STXBP5L: variants seen among roughly 807,000 people sequenced by gnomAD.
The protein encoded by STXBP5L is syntaxin binding protein 5L.
STXBP5L carries 65 observed loss-of-function variants against 144.5 expected under a neutral mutation model. The ratio of observed to expected loss-of-function variants is 0.45; its 90% CI spans 0.37 to 0.55. The LOEUF (loss-of-function observed/expected upper bound fraction) is 0.55. Among genes scored for constraint, STXBP5L ranks in the 20% least tolerant of loss-of-function variants. The probability of loss-of-function intolerance (pLI) is 0.00; values close to 1 mark genes in which losing one functional copy is unlikely to be tolerated. For missense variants in STXBP5L, 1,298 were observed against 1,405.5 expected (o/e 0.92, Z 1.22); for synonymous variants, 505 against 469.6 (o/e 1.08, Z -0.97).
At chr3:121,207,095 A>G (rs1398102660) in intron 10 of STXBP5L, among the ~76,000 whole-genome samples, 2 of 152,156 alleles carry the variant, frequency 1.3e-5, no homozygotes, top group East Asian at 1.9e-4. Flanking sequence ...TATTTTATCT[A>G]TATATAGATA....
intron 3 of STXBP5L, among the ~76,000 whole-genome samples, chr3:121,006,063 T>G (rs894083210): frequency 6.6e-6 from 1 of 152,184 alleles, no homozygotes; most frequent in Non-Finnish European, 1.5e-5. Context: ...TGATGTCTGT[T>G]AGGTCTGCTT....
intron 3 of STXBP5L, among the ~76,000 whole-genome samples, chr3:121,032,436 G>A (rs750549672): frequency 3.3e-5 from 5 of 152,066 alleles, no homozygotes; most frequent in Non-Finnish European, 7.4e-5. Context: ...TTAGCCACTA[G>A]GTAATAAATT....
intron 19 of STXBP5L, among the ~76,000 whole-genome samples, chr3:121,286,704 C>T (rs995400688): frequency 1.3e-5 from 2 of 152,002 alleles, no homozygotes; most frequent in Non-Finnish European, 2.9e-5. Context: ...TCACTACCAA[C>T]CAAGATAGAA....
intron 19 of STXBP5L, among the ~76,000 whole-genome samples, chr3:121,303,062 A>T (rs1281846354): frequency 1.3e-5 from 2 of 152,234 alleles, no homozygotes; most frequent in African/African-American, 2.4e-5. Flanking sequence ...GCTTCTGCAC[A>T]GCAAAAGAAA....
Position 121,169,430 on chromosome 3 carries a change from G to A in STXBP5L, c.877+11803G>A, listed in dbSNP as rs189486162. Among the ~76,000 whole-genome samples the A allele has an allele frequency of 4.9e-3, 740 of 152,290 alleles. 3 individuals are homozygous for A. Among genetic ancestry groups the A allele is most frequent in the Non-Finnish European group, 7.6e-3 (516 of 68,034 alleles). ...AAGAATAAAGACCTATCAGTGTGCT[G>A]TATTCAGGAAACCCATCTCAGGTGC... On this transcript the variant is annotated intron_variant, in intron 9 of 26. Transcript: ENST00000471454.
At chr3:121,219,351 A>G (rs968561332) in intron 10 of STXBP5L, among the ~76,000 whole-genome samples, 2 of 152,130 alleles carry the variant, frequency 1.3e-5, no homozygotes, top group Admixed American at 6.6e-5. Context: ...TGTCACAGAA[A>G]CAGGAACCTT....
chr3:121,360,461 G>A (rs978838254), intron 20 of STXBP5L, among the ~76,000 whole-genome samples: 1 of 151,798 alleles, frequency 6.6e-6, no homozygotes, highest in African/African-American at 2.4e-5. Flanking sequence ...TGGTTGTTTT[G>A]TGTCTTCTCT....
At chr3:121,206,548 G>C (rs550969957) in intron 10 of STXBP5L, among the ~76,000 whole-genome samples, 1 of 152,042 alleles carries the variant, frequency 6.6e-6, no homozygotes, top group African/African-American at 2.4e-5. Context: ...CCTGCCTCAC[G>C]CCTGTAACCC....
intron 6 of STXBP5L, among the ~76,000 whole-genome samples, chr3:121,120,824 T>G (rs1217809752): frequency 6.6e-6 from 1 of 151,288 alleles, no homozygotes; most frequent in East Asian, 1.9e-4. Flanking sequence ...ATAAGAATAA[T>G]TTGACACTGT....
At chr3:121,202,316 AC>A (rs1461040725) in intron 9 of STXBP5L, among the ~76,000 whole-genome samples, 1 of 152,110 alleles carries the variant, frequency 6.6e-6, no homozygotes, top group East Asian at 1.9e-4. Flanking sequence ...TTGTTCCAAT[AC>A]AGCTTTGCTC....
At chr3:121,117,321 A>G (rs2044275235) in intron 6 of STXBP5L, among the ~76,000 whole-genome samples, 2 of 151,866 alleles carry the variant, frequency 1.3e-5, no homozygotes, top group Admixed American at 1.3e-4. Flanking sequence ...TTCTTGAAAT[A>G]TCTCTGAGAA....
At position 121,028,273 on chromosome 3, in the gene STXBP5L, G is replaced by T. The variant is rs969605637; in HGVS notation, c.288-13427G>T. 3.9e-5 allele frequency among the ~76,000 whole-genome samples: 6 copies of T among 152,098 alleles called. No individual in the cohort carries two copies. The East Asian group carries it at 1.2e-3, about 29-fold the overall frequency. ...TAGATTATTATGCTATTAATAAATA[G>T]AAATAATAACTTTTTCAGGCTATAG... On this transcript the variant is annotated intron_variant, in intron 3 of 26. Coordinates refer to ENST00000471454, the MANE Select transcript of STXBP5L (RefSeq NM_001308330.2).
At chr3:121,134,406 T>C (rs1332372557) in intron 7 of STXBP5L, among the ~76,000 whole-genome samples, 1 of 152,158 alleles carries the variant, frequency 6.6e-6, no homozygotes, top group African/African-American at 2.4e-5. Context: ...AGATTAAATT[T>C]CTTTTTTTTT....
At chr3:121,028,538 T>C (rs572954982) in intron 3 of STXBP5L, among the ~76,000 whole-genome samples, 1 of 152,222 alleles carries the variant, frequency 6.6e-6, no homozygotes, top group East Asian at 1.9e-4. Flanking sequence ...TCCCTTACAT[T>C]TTCTATAGTA....
At chr3:121,285,558 A>G (rs1236720181) in intron 19 of STXBP5L, among the ~76,000 whole-genome samples, 1 of 152,108 alleles carries the variant, frequency 6.6e-6, no homozygotes, top group Non-Finnish European at 1.5e-5. Flanking sequence ...AAATTTTTAA[A>G]TTACCAAGCG....
intron 18 of STXBP5L, among the ~76,000 whole-genome samples, chr3:121,272,030 G>T (rs1381901699): frequency 3.3e-5 from 5 of 152,198 alleles, no homozygotes; most frequent in African/African-American, 1.2e-4. Flanking sequence ...AATCAGCTAA[G>T]ATTTGGTCTA....
At chr3:121,034,728 G>A (rs1024608126) in intron 3 of STXBP5L, among the ~76,000 whole-genome samples, 9 of 151,944 alleles carry the variant, frequency 5.9e-5, no homozygotes, top group Non-Finnish European at 7.4e-5. Flanking sequence ...TTCTCCTTTG[G>A]GTAGATACCT....
At chr3:121,193,566 C>T (rs2047794593) in intron 9 of STXBP5L, among the ~76,000 whole-genome samples, 2 of 152,122 alleles carry the variant, frequency 1.3e-5, no homozygotes, top group African/African-American at 4.8e-5. Context: ...AAACTTGGAA[C>T]CAACCCAAAT....
intron 20 of STXBP5L, among the ~76,000 whole-genome samples, chr3:121,322,308 G>T (rs1242206940): frequency 6.6e-6 from 1 of 152,010 alleles, no homozygotes; most frequent in South Asian, 2.1e-4. Context: ...GAGAAACCCA[G>T]TCTCTACTAA....
Sources: allele counts gnomAD v4.1 joint callset (sites outside exome capture counted in the v4.1 genomes callset), GRCh38; gene constraint gnomAD v4.1.1; transcripts MANE v1.5; gene names NCBI Gene and HGNC (gene_info 2026-07-23, HGNC 2026-07-21).